Variants in GRAMD1B observed in about 807,000 individuals in gnomAD.
GRAMD1B encodes GRAM domain containing 1B.
Under a neutral mutation model 99.7 loss-of-function variants are expected in GRAMD1B, and 37 were observed. The observed-to-expected ratio is 0.37, with a 90% CI of 0.29 to 0.49. The LOEUF (loss-of-function observed/expected upper bound fraction) is 0.49. Among genes scored for constraint, GRAMD1B ranks in the 20% least tolerant of loss-of-function variants. GRAMD1B has a pLI of 0.98. For synonymous variants in GRAMD1B, 427 were observed against 387.6 expected, an observed-to-expected ratio of 1.10 and a Z score of -1.19; for missense variants, 888 against 1,009.2, an observed-to-expected ratio of 0.88 and a Z score of 1.63.
At chr11:123,597,637 A>C (rs1477165081) in intron 7 of GRAMD1B, among the ~76,000 whole-genome samples, 2 of 152,200 alleles carry the variant, frequency 1.3e-5, no homozygotes, top group African/African-American at 4.8e-5. Flanking sequence ...ATTAAATCTC[A>C]GCTACTTCTG....
chr11:123,546,806 G>A (rs942234691), intron 2 of GRAMD1B, among the ~76,000 whole-genome samples: 7 of 152,152 alleles, frequency 4.6e-5, no homozygotes, highest in Admixed American at 2.0e-4. Context: ...CAGGGACCCA[G>A]CAGTGGGCAG....
At chr11:123,362,989 A>G (rs1946196353) in intron 1 of GRAMD1B, among the ~76,000 whole-genome samples, 1 of 152,114 alleles carries the variant, frequency 6.6e-6, no homozygotes, top group Non-Finnish European at 1.5e-5. Context: ...AAGCAAGCCA[A>G]AGAGGAGGAG....
chr11:123,559,081 G>T (rs1322344734), intron 2 of GRAMD1B, among the ~76,000 whole-genome samples: 1 of 152,248 alleles, frequency 6.6e-6, no homozygotes, highest in Non-Finnish European at 1.5e-5. Flanking sequence ...GAATGCATAA[G>T]CCAAACATTT....
At chr11:123,605,635 C>T (rs1441056111) in intron 10 of GRAMD1B, among the ~76,000 whole-genome samples, 157 bp downstream of exon 10, 1 of 152,178 alleles carries the variant, frequency 6.6e-6, no homozygotes, top group Non-Finnish European at 1.5e-5. Flanking sequence ...GATGGGCTCT[C>T]CGTATTCTAG....
At chr11:123,393,077 A>T (rs893683205) in intron 1 of GRAMD1B, among the ~76,000 whole-genome samples, 9 of 152,162 alleles carry the variant, frequency 5.9e-5, no homozygotes, top group African/African-American at 2.2e-4. Flanking sequence ...GTGACTAATA[A>T]ATGAGCTTTT....
chr11:123,421,029 A>G (rs1948415892), intron 1 of GRAMD1B, among the ~76,000 whole-genome samples: 2 of 152,218 alleles, frequency 1.3e-5, no homozygotes, highest in South Asian at 4.1e-4. Flanking sequence ...TATTTGCTTT[A>G]AAGTGAAAGG....
chr11:123,457,117 A>AGAAAGAAAAG, intron 1 of GRAMD1B, among the ~76,000 whole-genome samples: 8 of 99,424 alleles, frequency 8.0e-5, no homozygotes, highest in Admixed American at 1.2e-4. Flanking sequence ...TTCTGAGAAA[A>AGAAAGAAAAG]AAAGAAAGAA....
At position 123,609,803 on chromosome 11, in the gene GRAMD1B, T is replaced by G; in HGVS notation, c.1666T>G (p.Phe556Val). The G allele has an allele frequency of 1.3e-6, 2 of 1,567,688 alleles. No homozygotes were observed. The highest frequency in any genetic ancestry group is 1.7e-6 in the Non-Finnish European group (2 of 1,145,158). Reference sequence around the variant, plus strand: ...CTCTCCTCTACCCTTAGATATCATCTTCCATCCATGGAAAAAGGAGGAGAA... The same window carrying G: ...CTCTCCTCTACCCTTAGATATCATCGTCCATCCATGGAAAAAGGAGGAGAA... ...MEQRRFSDII[F>V]HPWKKEENGN... Residue 556 changes from phenylalanine to valine, a missense_variant, in exon 13 of 20, where the codon TTC becomes GTC. Physicochemically the swap from Phe to Val is conservative, Grantham distance 50 (BLOSUM62 -1). This residue lies in a region of GRAMD1B where 269 missense variants were observed against 296.6 expected (regional missense o/e 0.91). Transcript: ENST00000635736.
intron 2 of GRAMD1B, among the ~76,000 whole-genome samples, chr11:123,513,504 C>CTT (rs1941251321): frequency 6.7e-6 from 1 of 148,334 alleles, no homozygotes; most frequent in African/African-American, 2.6e-5. Flanking sequence ...TTCTCCCTCT[C>CTT]TCTTTCTTTC....
At chr11:123,434,601 A>C (rs1310081547) in intron 1 of GRAMD1B, among the ~76,000 whole-genome samples, 2 of 152,178 alleles carry the variant, frequency 1.3e-5, no homozygotes, top group East Asian at 3.9e-4. Context: ...CAGCCTAGCC[A>C]ACATGGCAAA....
At chr11:123,500,755 C>T (rs1939774405) in intron 2 of GRAMD1B, among the ~76,000 whole-genome samples, 1 of 152,116 alleles carries the variant, frequency 6.6e-6, no homozygotes, top group African/African-American at 2.4e-5. Context: ...TTACTGCAAC[C>T]TCTGTCTCCC....
At chr11:123,419,278 A>G (rs1456896107) in intron 1 of GRAMD1B, among the ~76,000 whole-genome samples, 1 of 152,154 alleles carries the variant, frequency 6.6e-6, no homozygotes, top group Non-Finnish European at 1.5e-5. Flanking sequence ...ACTGTCCCCA[A>G]CAGGTTCACT....
Position 123,605,355 on chromosome 11 carries a change from A to G in GRAMD1B, c.1200A>G (p.Glu400=), listed in dbSNP as rs751450232. Residue 400 remains glutamate (E), a synonymous_variant, in exon 10 of 20, where the codon GAA becomes GAG. Coordinates refer to ENST00000635736, the MANE Select transcript of GRAMD1B (RefSeq NM_001387025.1). ...YCEEIPVEEN[E]VNDSSSKSSI... ...AAGAGATCCCTGTGGAAGAGAATGA[A>G]GTGAATGACAGCTCATCCAAGAGCA... 6.2e-7 allele frequency: 1 copy of G among 1,612,560 alleles called. No homozygotes were observed.
chr11:123,620,212 G>A (rs953835368), intron 19 of GRAMD1B, among the ~76,000 whole-genome samples: 7 of 152,124 alleles, frequency 4.6e-5, no homozygotes, highest in South Asian at 2.1e-4. Context: ...GGTGGGTCAC[G>A]CCTATAATCC....
intron 1 of GRAMD1B, among the ~76,000 whole-genome samples, chr11:123,372,396 G>T (rs1177688796): frequency 6.6e-6 from 1 of 152,162 alleles, no homozygotes; most frequent in Admixed American, 6.5e-5. Flanking sequence ...CAAGAAAATG[G>T]AAATCACTCA....
At position 123,594,078 on chromosome 11, in the gene GRAMD1B, G is replaced by T; in HGVS notation, c.685-4G>T. The stretch of plus-strand genomic sequence containing the variant: ...TCCTACTAACCTTGGCTATTGTCAC[G>T]CAGGTGTTAAGCCCCACCTACAAGC... On this transcript the variant is annotated splice_polypyrimidine_tract_variant and splice_region_variant and intron_variant, in intron 4 of 19. Coordinates refer to ENST00000635736, the MANE Select transcript of GRAMD1B (RefSeq NM_001387025.1). 3 of 1,604,740 alleles carry T rather than the reference G, an allele frequency of 1.9e-6. No homozygotes were observed. The highest frequency in any genetic ancestry group is 2.2e-5 in the East Asian group (1 of 44,844).
intron 1 of GRAMD1B, among the ~76,000 whole-genome samples, chr11:123,420,141 C>T (rs766212772): frequency 2.6e-4 from 39 of 152,172 alleles, no homozygotes; most frequent in Non-Finnish European, 3.4e-4. Flanking sequence ...GTTTACTAAG[C>T]TACTATTGCA....
intron 2 of GRAMD1B, among the ~76,000 whole-genome samples, chr11:123,562,836 A>G (rs1057330250): frequency 1.2e-4 from 18 of 152,248 alleles, no homozygotes; most frequent in African/African-American, 4.1e-4. Flanking sequence ...AGGTTGAAGC[A>G]CTATACCCAG....
At chr11:123,484,140 C>G (rs1027245236) in intron 2 of GRAMD1B, among the ~76,000 whole-genome samples, 4 of 152,216 alleles carry the variant, frequency 2.6e-5, no homozygotes, top group Admixed American at 2.0e-4. Context: ...GCCACCTTCC[C>G]TGTGCTGTGC....
Sources: allele counts gnomAD v4.1 joint callset (sites outside exome capture counted in the v4.1 genomes callset), GRCh38; gene constraint gnomAD v4.1.1; regional missense constraint gnomAD v4.1.1; transcripts MANE v1.5; gene names NCBI Gene and HGNC (gene_info 2026-07-23, HGNC 2026-07-21).